DRD5: variants seen among roughly 807,000 people sequenced by gnomAD.
DRD5 encodes the protein dopamine receptor D5.
For missense variants in DRD5, 758 were observed against 657.8 expected (o/e 1.15, Z -1.67); for synonymous variants, 327 against 277.1 (o/e 1.18, Z -1.79).
At position 9,782,374 on chromosome 4, in the gene DRD5, C is replaced by G. The variant is rs374043983; in HGVS notation, c.345C>G (p.Val115=). 4 of 1,613,932 alleles carry G rather than the reference C, an allele frequency of 2.5e-6. No homozygotes were observed. Among genetic ancestry groups the G allele is most frequent in the Non-Finnish European group, 2.5e-6 (3 of 1,179,886 alleles). The part of the protein sequence containing the change: ...GYWPFGAFCD[V]WVAFDIMCST... ...GGCCCTTTGGAGCGTTCTGCGACGT[C>G]TGGGTGGCCTTCGACATCATGTGCT... is the stretch of plus-strand genomic sequence containing the variant. The change falls in exon 1 of 1, where the codon GTC becomes GTG. Residue 115 remains valine (V), a synonymous_variant. Transcript: ENST00000304374.
chr4:9,783,068 T>C lies in DRD5; in HGVS notation c.1039T>C (p.Phe347Leu). The C allele has an allele frequency of 1.9e-6, 3 of 1,614,224 alleles. No homozygotes were observed. Among genetic ancestry groups the C allele is most frequent in the Non-Finnish European group, 2.5e-6 (3 of 1,180,040 alleles). Residue 347 changes from phenylalanine (F) to leucine (L), a missense_variant, in exon 1 of 1, where the codon TTC becomes CTC. Phe to Leu is a conservative substitution (Grantham distance 22, BLOSUM62 0). Coordinates refer to ENST00000304374, the MANE Select transcript of DRD5 (RefSeq NM_000798.5). ...SETTFDVFVWFGWANSSLNPV... is the reference protein window; with the variant it reads ...SETTFDVFVWLGWANSSLNPV... ...GACCACCTTCGACGTCTTCGTCTGGTTCGGCTGGGCTAACTCCTCACTCAA... is the reference window on the plus strand; with the variant it reads ...GACCACCTTCGACGTCTTCGTCTGGCTCGGCTGGGCTAACTCCTCACTCAA...
In DRD5 at chr4:9,783,020, G is replaced by A. The variant is rs780728412; in HGVS notation, c.991G>A (p.Ala331Thr). ...FCSGHPEGPP[A>T]GFPCVSETTF... ...CAGTGGACACCCCGAAGGCCCTCCG[G>A]CCGGCTTCCCCTGCGTCAGTGAGAC... The change falls in exon 1 of 1, where the codon GCC becomes ACC. Residue 331 changes from alanine to threonine, a missense_variant. Physicochemically the swap from Ala to Thr is moderately conservative, Grantham distance 58. Transcript: ENST00000304374. 2 of 1,614,222 alleles carry A rather than the reference G, an allele frequency of 1.2e-6. No homozygotes were observed. Among genetic ancestry groups the A allele is most frequent in the East Asian group, 4.5e-5 (2 of 44,862 alleles).
chr4:9,783,149 G>T lies in DRD5; in HGVS notation c.1120G>T (p.Gly374Trp). Residue 374 changes from glycine to tryptophan, a missense_variant, in exon 1 of 1, where the codon GGG becomes TGG. Gly to Trp is a radical substitution (Grantham distance 184). Transcript: ENST00000304374. ...TCAGAAGGTGTTTGCCCAGCTGCTGGGGTGCAGCCACTTCTGCTCCCGCAC... is the reference window on the plus strand; with the variant it reads ...TCAGAAGGTGTTTGCCCAGCTGCTGTGGTGCAGCCACTTCTGCTCCCGCAC... Reference protein sequence around the residue: ...DFQKVFAQLLGCSHFCSRTPV... With the variant: ...DFQKVFAQLLWCSHFCSRTPV... 2.5e-6 allele frequency: 4 copies of T among 1,614,222 alleles called. No individual in the cohort carries two copies. Among genetic ancestry groups the T allele is most frequent in the Non-Finnish European group, 3.4e-6 (4 of 1,180,052 alleles).
rs1194150713 is a variant in DRD5, at chr4:9,781,940, C to T, written c.-90C>T. The T allele has an allele frequency of 1.3e-4, 152 of 1,148,698 alleles. No homozygotes were observed. Among genetic ancestry groups the T allele is most frequent in the Non-Finnish European group, 1.7e-4 (144 of 857,968 alleles). 71.2% of individuals were successfully genotyped at this position (1,148,698 alleles called of 1,614,324 possible). A position where few individuals can be genotyped will look rare whatever the true frequency, so the allele number is the denominator to read the frequency against. ...CTCGAGGGTCCCTTGGCTGAGGGGG[C>T]GCATCCTCGGGGTGCCCGATGGGGC... On this transcript the variant is annotated 5_prime_UTR_variant, in exon 1 of 1. Coordinates refer to ENST00000304374, the MANE Select transcript of DRD5 (RefSeq NM_000798.5).
At position 9,783,395 on chromosome 4, in the gene DRD5, G is replaced by C; in HGVS notation, c.1366G>C (p.Glu456Gln). 1 of 1,614,162 alleles carries C rather than the reference G, an allele frequency of 6.2e-7. No homozygotes were observed. The highest frequency in any genetic ancestry group is 8.5e-7 in the Non-Finnish European group (1 of 1,180,034). ...TGACCCTGTTGCTGAGTCTGTCTGG[G>C]AGCTGGACTGCGAGGGGGAGATTTC... ...DGDPVAESVWELDCEGEISLD... is the reference protein window; with the variant it reads ...DGDPVAESVWQLDCEGEISLD... Residue 456 changes from glutamate (E) to glutamine (Q), a missense_variant, in exon 1 of 1, where the codon GAG (glutamate) becomes CAG (glutamine). Transcript: ENST00000304374.
Position 9,781,681 on chromosome 4 carries a change from G to C in DRD5, c.-349G>C, listed in dbSNP as rs939248070. ...CTGCCTGCCCCAGCCCCTCAGTGGC[G>C]GCTTGCTCTCTTCTCTCGCTCCGAA... is the stretch of plus-strand genomic sequence containing the variant. On this transcript the variant is annotated 5_prime_UTR_variant, in exon 1 of 1. Coordinates refer to ENST00000304374, the MANE Select transcript of DRD5 (RefSeq NM_000798.5). The C allele has an allele frequency of 9.0e-6, 2 of 222,586 alleles. No homozygotes were observed. Among genetic ancestry groups the C allele is most frequent in the Non-Finnish European group, 1.7e-5 (2 of 114,456 alleles). The allele number at this position is 222,586 out of a possible 1,614,324, so 13.8% of individuals were successfully genotyped here. A position where few individuals can be genotyped will look rare whatever the true frequency, so the allele number is the denominator to read the frequency against.
chr4:9,783,317 G>A lies in DRD5; in HGVS notation c.1288G>A (p.Glu430Lys). ...CAACCGGGAGGTGGACAACGACGAG[G>A]AGGAGGGTCCTTTCGATCGCATGTT... ...PGNREVDNDE[E>K]EGPFDRMFQI... The change falls in exon 1 of 1, where the codon GAG (glutamate) becomes AAG (lysine). Residue 430 changes from glutamate to lysine, a missense_variant. Transcript: ENST00000304374. 6.2e-7 allele frequency: 1 copy of A among 1,614,256 alleles called. No homozygotes were observed. The highest frequency in any genetic ancestry group is 2.2e-5 in the East Asian group (1 of 44,878).
Position 9,782,421 on chromosome 4 carries a change from T to C in DRD5, c.392T>C (p.Leu131Pro), listed in dbSNP as rs771111537. Residue 131 changes from leucine to proline, a missense_variant, in exon 1 of 1, where the codon CTG becomes CCG. Physicochemically the swap from Leu to Pro is moderately conservative, Grantham distance 98. Coordinates refer to ENST00000304374, the MANE Select transcript of DRD5 (RefSeq NM_000798.5). Reference protein sequence around the residue: ...IMCSTASILNLCVISVDRYWA... With the variant: ...IMCSTASILNPCVISVDRYWA... Reference sequence around the variant, plus strand: ...TGCTCCACTGCCTCCATCCTGAACCTGTGCGTCATCAGCGTGGACCGCTAC... The same window carrying C: ...TGCTCCACTGCCTCCATCCTGAACCCGTGCGTCATCAGCGTGGACCGCTAC... 1 of 1,614,016 alleles carries C rather than the reference T, an allele frequency of 6.2e-7. No individual in the cohort carries two copies. Among genetic ancestry groups the C allele is most frequent in the Admixed American group, 1.7e-5 (1 of 60,032 alleles).
chr4:9,782,013 C>T lies in DRD5; in HGVS notation c.-17C>T. On this transcript the variant is annotated 5_prime_UTR_variant, in exon 1 of 1. Transcript: ENST00000304374. ...AGTTGGGACCGCGCACAGACCGCCC[C>T]TGCAGTCCAGCCCGAAATGCTGCCG... 6.9e-7 allele frequency: 1 copy of T among 1,448,346 alleles called. No homozygotes were observed. The allele number at this position is 1,448,346 out of a possible 1,614,324, so 89.7% of individuals were successfully genotyped here.
Position 9,782,281 on chromosome 4 carries a change from C to G in DRD5, c.252C>G (p.Ala84=). 1 of 1,613,960 alleles carries G rather than the reference C, an allele frequency of 6.2e-7. No individual in the cohort carries two copies. Among genetic ancestry groups the G allele is most frequent in the Non-Finnish European group, 8.5e-7 (1 of 1,179,866 alleles). ...CCAACGTCTTCATCGTGTCTCTGGCCGTGTCAGACCTTTTCGTGGCGCTGC... is the reference window on the plus strand; with the variant it reads ...CCAACGTCTTCATCGTGTCTCTGGCGGTGTCAGACCTTTTCGTGGCGCTGC... ...NMTNVFIVSL[A]VSDLFVALLV... is the part of the protein sequence containing the mutation. Residue 84 remains alanine (A), a synonymous_variant, in exon 1 of 1, where the codon GCC becomes GCG. Transcript: ENST00000304374.
rs772138219 is a variant in DRD5 at position 9,782,409 on chromosome 4, C to T, written c.380C>T (p.Ser127Phe). Residue 127 changes from serine (S) to phenylalanine (F), a missense_variant, in exon 1 of 1, where the codon TCC becomes TTC. By Grantham distance (155) the Ser-to-Phe change is radical (BLOSUM62 -2). Coordinates refer to ENST00000304374, the MANE Select transcript of DRD5 (RefSeq NM_000798.5). ...VAFDIMCSTA[S>F]ILNLCVISVD... ...TTCGACATCATGTGCTCCACTGCCTCCATCCTGAACCTGTGCGTCATCAGC... is the reference window on the plus strand; with the variant it reads ...TTCGACATCATGTGCTCCACTGCCTTCATCCTGAACCTGTGCGTCATCAGC... 82 of 1,613,922 alleles carry T rather than the reference C, an allele frequency of 5.1e-5. No homozygotes were observed. Among genetic ancestry groups the T allele is most frequent in the Admixed American group, 1.2e-4 (7 of 60,006 alleles).
Position 9,782,210 on chromosome 4 carries a change from G to C in DRD5, c.181G>C (p.Val61Leu), listed in dbSNP as rs113223975. ...CTGGACCCTGCTGGGCAACGTGCTG[G>C]TGTGCGCAGCCATCGTGCGGAGCCG... ...IIWTLLGNVLVCAAIVRSRHL... is the reference protein window; with the variant it reads ...IIWTLLGNVLLCAAIVRSRHL... Residue 61 changes from valine (V) to leucine (L), a missense_variant, in exon 1 of 1, where the codon GTG becomes CTG. By Grantham distance (32) the Val-to-Leu change is conservative. Transcript: ENST00000304374. 1 of 1,611,822 alleles carries C rather than the reference G, an allele frequency of 6.2e-7. No homozygotes were observed.
rs749801481 is a variant in DRD5, at chr4:9,782,598, G to T, written c.569G>T (p.Gly190Val). Reference protein sequence around the residue: ...WHRDQAASWGGLDLPNNLANW... With the variant: ...WHRDQAASWGVLDLPNNLANW... Reference sequence around the variant, plus strand: ...AGGGACCAGGCGGCCTCTTGGGGCGGGCTGGACCTGCCAAACAACCTGGCC... The same window carrying T: ...AGGGACCAGGCGGCCTCTTGGGGCGTGCTGGACCTGCCAAACAACCTGGCC... The change falls in exon 1 of 1, where the codon GGG becomes GTG. Residue 190 changes from glycine (G) to valine (V), a missense_variant. Coordinates refer to ENST00000304374, the MANE Select transcript of DRD5 (RefSeq NM_000798.5). 1.9e-6 allele frequency: 3 copies of T among 1,613,954 alleles called. No homozygotes were observed. Among genetic ancestry groups the T allele is most frequent in the Non-Finnish European group, 2.5e-6 (3 of 1,179,874 alleles).
rs137945596 is a variant in DRD5, at chr4:9,782,660, G to A, written c.631G>A (p.Asp211Asn). The change falls in exon 1 of 1, where the codon GAC becomes AAC. Residue 211 changes from aspartate to asparagine, a missense_variant. Coordinates refer to ENST00000304374, the MANE Select transcript of DRD5 (RefSeq NM_000798.5). The stretch of plus-strand genomic sequence containing the variant: ...CTGGGAGGAGGACTTTTGGGAGCCC[G>A]ACGTGAATGCAGAGAACTGTGACTC... ...TPWEEDFWEP[D>N]VNAENCDSSL... The A allele has an allele frequency of 3.1e-4, 495 of 1,614,004 alleles. No homozygotes were observed. The African/African-American group carries it at 5.7e-3, about 19-fold the overall frequency.
In DRD5 at chr4:9,783,447, C is replaced by T. The variant is rs1226206635; in HGVS notation, c.1418C>T (p.Pro473Leu). ...ISLDKITPFTPNGFH is the reference protein window; with the variant it reads ...ISLDKITPFTLNGFH Reference sequence around the variant, plus strand: ...TTAGACAAAATAACACCTTTCACCCCGAATGGATTCCATTAAACTGCATTA... The same window carrying T: ...TTAGACAAAATAACACCTTTCACCCTGAATGGATTCCATTAAACTGCATTA... Residue 473 changes from proline (P) to leucine (L), a missense_variant, in exon 1 of 1, where the codon CCG becomes CTG. Transcript: ENST00000304374. 3.7e-6 allele frequency: 6 copies of T among 1,608,020 alleles called. No homozygotes were observed. Among genetic ancestry groups the T allele is most frequent in the South Asian group, 3.3e-5 (3 of 90,326 alleles).
At position 9,782,267 on chromosome 4, in the gene DRD5, A is replaced by C; in HGVS notation, c.238A>C (p.Ile80Leu). 1 of 1,613,932 alleles carries C rather than the reference A, an allele frequency of 6.2e-7. No individual in the cohort carries two copies. The highest frequency in any genetic ancestry group is 8.5e-7 in the Non-Finnish European group (1 of 1,179,884). Reference sequence around the variant, plus strand: ...GCGCGCCAACATGACCAACGTCTTCATCGTGTCTCTGGCCGTGTCAGACCT... The same window carrying C: ...GCGCGCCAACATGACCAACGTCTTCCTCGTGTCTCTGGCCGTGTCAGACCT... ...HLRANMTNVF[I>L]VSLAVSDLFV... The change falls in exon 1 of 1, where the codon ATC becomes CTC. Residue 80 changes from isoleucine (I) to leucine (L), a missense_variant. Coordinates refer to ENST00000304374, the MANE Select transcript of DRD5 (RefSeq NM_000798.5).
Position 9,783,655 on chromosome 4 carries a change from C to T in DRD5, c.*192C>T, listed in dbSNP as rs1005601977. On this transcript the variant is annotated 3_prime_UTR_variant, in exon 1 of 1. Transcript: ENST00000304374. ...AATTGGCAGAAGCAGTTGCAATAAA[C>T]TCAGTCAAATGTACCCAGCCTACCA... is the stretch of plus-strand genomic sequence containing the variant. 8.1e-6 allele frequency: 5 copies of T among 620,352 alleles called. No individual in the cohort carries two copies. The African/African-American group carries it at 9.3e-5, about 12-fold the overall frequency. The allele number at this position is 620,352 out of a possible 1,614,324, so 38.4% of individuals were successfully genotyped here.
Position 9,783,720 on chromosome 4 carries a change from G to T in DRD5, c.*257G>T, listed in dbSNP as rs1718842201. 2.5e-6 allele frequency: 1 copy of T among 408,156 alleles called. No homozygotes were observed. The highest frequency in any genetic ancestry group is 4.5e-6 in the Non-Finnish European group (1 of 221,480). The allele number at this position is 408,156 out of a possible 1,614,324, so 25.3% of individuals were successfully genotyped here. ...ATCCTATGAGAGAAGAGAGTATGGT[G>T]CTGGGTCCTTAAAAAAAAAAATGAT... On this transcript the variant is annotated 3_prime_UTR_variant, in exon 1 of 1. Transcript: ENST00000304374.
At position 9,783,118 on chromosome 4, in the gene DRD5, C is replaced by T. The variant is rs143226097; in HGVS notation, c.1089C>T (p.Ala363=). 1.2e-6 allele frequency: 2 copies of T among 1,614,228 alleles called. No homozygotes were observed. The highest frequency in any genetic ancestry group is 2.2e-5 in the East Asian group (1 of 44,870). The part of the protein sequence containing the change: ...SLNPVIYAFN[A]DFQKVFAQLL... ...ACCCCGTCATCTATGCCTTCAACGCCGACTTTCAGAAGGTGTTTGCCCAGC... is the reference window on the plus strand; with the variant it reads ...ACCCCGTCATCTATGCCTTCAACGCTGACTTTCAGAAGGTGTTTGCCCAGC... Residue 363 remains alanine, a synonymous_variant, in exon 1 of 1, where the codon GCC becomes GCT. Transcript: ENST00000304374.
Sources: allele counts gnomAD v4.1 joint callset, GRCh38; gene constraint gnomAD v4.1.1; transcripts MANE v1.5; gene names NCBI Gene and HGNC (gene_info 2026-07-23, HGNC 2026-07-21).